The following TRIM37 variants were observed in gnomAD, a reference collection of about 807,000 sequenced individuals.
TRIM37 encodes the protein tripartite motif containing 37.
Under a neutral mutation model 129.8 loss-of-function variants are expected in TRIM37, and 80 were observed. That is an observed-to-expected ratio of 0.62 (90% CI 0.51 to 0.74). The LOEUF (loss-of-function observed/expected upper bound fraction) is 0.74. TRIM37 is among the 30% of genes least tolerant of loss of function. The pLI is 0.00. For synonymous variants in TRIM37, 389 were observed against 387.1 expected, an observed-to-expected ratio of 1.00 and a Z score of -0.06; for missense variants, 1,054 against 1,176.5, an observed-to-expected ratio of 0.90 and a Z score of 1.52.
At chr17:59,082,094 A>G (rs1429625455) in intron 5 of TRIM37, among the ~76,000 whole-genome samples, 1 of 151,358 alleles carries the variant, frequency 6.6e-6, no homozygotes, top group Non-Finnish European at 1.5e-5. Context: ...ACATGGTGAA[A>G]CCCCATCTCT....
chr17:58,984,868 A>ACTT (rs1361109547), intron 24 of TRIM37: 1 of 152,546 alleles, frequency 6.6e-6, no homozygotes, highest in African/African-American at 2.4e-5. Flanking sequence ...AAGGAAATAA[A>ACTT]CTTTGATGAA....
intron 9 of TRIM37, among the ~76,000 whole-genome samples, chr17:59,069,217 C>CA: frequency 6.6e-6 from 1 of 151,890 alleles, no homozygotes; most frequent in Non-Finnish European, 1.5e-5. Flanking sequence ...CGTGGTGGTG[C>CA]ATGCCTATAT....
At chr17:58,976,159 G>A in the TRIM37 span, among the ~76,000 whole-genome samples, 2 of 152,180 alleles carry the variant, frequency 1.3e-5, no homozygotes, top group African/African-American at 4.8e-5. Flanking sequence ...AAGAGAGCAA[G>A]TAGAGGAGAA....
downstream of TRIM37, chr17:58,982,438 G>A (rs2031413567): frequency 6.5e-6 from 1 of 153,860 alleles, no homozygotes; most frequent in Non-Finnish European, 1.4e-5. Flanking sequence ...ATGCCTATGG[G>A]TGGCCCCTCT....
intron 4 of TRIM37, chr17:59,087,952 T>A: frequency 2.3e-6 from 1 of 432,510 alleles, no homozygotes; most frequent in Non-Finnish European, 4.1e-6. Flanking sequence ...GTCCCTTAAA[T>A]GACTTAACAC....
downstream of TRIM37, chr17:58,982,147 T>G (rs890265019): frequency 1.3e-5 from 2 of 152,634 alleles, no homozygotes; most frequent in African/African-American, 2.4e-5. Flanking sequence ...CCAGGTCTGT[T>G]TAGTTGTAAT....
chr17:59,104,198 G>A lies in TRIM37; in HGVS notation c.123+95C>T. On this transcript the variant is annotated intron_variant, in intron 2 of 23. Transcript: ENST00000262294. ...AGCACAGTGCAAGCAAGCACTTTAG[G>A]GCAAAAAATGTAAAATAAAAAGATA... 3.9e-6 allele frequency: 5 copies of A among 1,269,938 alleles called. No individual in the cohort carries two copies. In the South Asian group the frequency reaches 6.4e-5, roughly 16 times the overall value. The allele number at this position is 1,269,938 out of a possible 1,614,324, so 78.7% of individuals were successfully genotyped here. A position where few individuals can be genotyped will look rare whatever the true frequency, so the allele number is the denominator to read the frequency against.
chr17:58,982,358 T>G (rs1182314968), downstream of TRIM37: 1 of 152,312 alleles, frequency 6.6e-6, no homozygotes, highest in Non-Finnish European at 1.5e-5. Flanking sequence ...TGAAGCAGCC[T>G]CTGATTCTCT....
At chr17:59,078,344 G>A (rs1270284200) in intron 7 of TRIM37, among the ~76,000 whole-genome samples, 1 of 152,026 alleles carries the variant, frequency 6.6e-6, no homozygotes, top group East Asian at 1.9e-4. Context: ...CACAAAAGCA[G>A]GGCAAGTTCA....
intron 23 of TRIM37, among the ~76,000 whole-genome samples, chr17:59,000,410 G>T (rs1270751012): frequency 6.6e-6 from 1 of 152,166 alleles, no homozygotes; most frequent in East Asian, 1.9e-4. Flanking sequence ...GACCAGGCTG[G>T]CCAACATGGT....
intron 9 of TRIM37, among the ~76,000 whole-genome samples, chr17:59,067,820 G>A (rs1371427687): frequency 6.9e-6 from 1 of 144,158 alleles, no homozygotes. Context: ...ACAGGCATGA[G>A]CCACCGCGCC....
intron 13 of TRIM37, 53 bp downstream of exon 13, chr17:59,056,822 G>A: frequency 1.5e-6 from 2 of 1,290,786 alleles, no homozygotes; most frequent in Non-Finnish European, 2.1e-6. Flanking sequence ...ATATAGTTCT[G>A]ATGATATTAT....
chr17:59,071,458 G>GT (rs1423570822), intron 8 of TRIM37, among the ~76,000 whole-genome samples: 1 of 151,906 alleles, frequency 6.6e-6, no homozygotes, highest in African/African-American at 2.4e-5. Flanking sequence ...GGTAATTTTT[G>GT]TATTTTTTAG....
chr17:59,080,670 A>G (rs1177243037), intron 6 of TRIM37, among the ~76,000 whole-genome samples: 1 of 152,146 alleles, frequency 6.6e-6, no homozygotes, highest in Admixed American at 6.5e-5. Context: ...GGGCACCTGT[A>G]ATCCCAGCTA....
chr17:59,099,217 A>G (rs913538631), intron 2 of TRIM37, among the ~76,000 whole-genome samples: 2 of 151,946 alleles, frequency 1.3e-5, no homozygotes, highest in African/African-American at 4.8e-5. Context: ...GGATAAACAA[A>G]AAGTGGTATA....
At chr17:59,060,828 T>C (rs1478355536) in intron 12 of TRIM37, among the ~76,000 whole-genome samples, 1 of 152,200 alleles carries the variant, frequency 6.6e-6, no homozygotes, top group Non-Finnish European at 1.5e-5. Flanking sequence ...AGTAAAGAGA[T>C]TTCTAAAAAC....
At chr17:58,982,026 A>G (rs2031383753), downstream of TRIM37, 1 of 152,652 alleles carries the variant, frequency 6.6e-6, no homozygotes, top group African/African-American at 2.4e-5. Flanking sequence ...TGCTACTTTT[A>G]TCTTCTCTAA....
intron 22 of TRIM37, among the ~76,000 whole-genome samples, chr17:59,003,778 C>T (rs1192713058): frequency 1.3e-5 from 2 of 151,784 alleles, no homozygotes; most frequent in African/African-American, 2.4e-5. Context: ...TATTTAAGGG[C>T]TTTAAAGCTA....
In TRIM37 at chr17:59,031,970, A is replaced by C. The variant is rs772601546; in HGVS notation, c.1874T>G (p.Leu625Arg). 6 of 1,614,234 alleles carry C rather than the reference A, an allele frequency of 3.7e-6. No individual in the cohort carries two copies. The highest frequency in any genetic ancestry group is 3.3e-5 in the South Asian group (3 of 91,090). ...ATTTTCTATACTGCTCCGGTCCTTA[A>C]GGTCCAACAAATGTATTAAAATTAA... ...DPLILIHLLD[L>R]KDRSSIENLW... Residue 625 changes from leucine (L) to arginine (R), a missense_variant, in exon 18 of 24, where the codon CTT becomes CGT. Leu to Arg is a moderately radical substitution (Grantham distance 102, BLOSUM62 -2). Around this residue, in one of 3 missense-constraint regions of TRIM37, gnomAD observed 752 missense variants for 870.8 expected, o/e 0.86. Transcript: ENST00000262294.
Sources: allele counts gnomAD v4.1 joint callset (sites outside exome capture counted in the v4.1 genomes callset), GRCh38; gene constraint gnomAD v4.1.1; regional missense constraint gnomAD v4.1.1; transcripts MANE v1.5; gene names NCBI Gene and HGNC (gene_info 2026-07-23, HGNC 2026-07-21).